The following PRUNE2 variants were observed in gnomAD, a reference collection of about 807,000 sequenced individuals.
The protein encoded by PRUNE2 is prune homolog 2 with BCH domain.
PRUNE2 carries 164 observed loss-of-function variants against 252.0 expected under a neutral mutation model. The ratio of observed to expected loss-of-function variants is 0.65; its 90% CI spans 0.57 to 0.74. PRUNE2 has a LOEUF of 0.74. PRUNE2 is among the 30% of genes least tolerant of loss of function. PRUNE2 has a pLI of 0.00. For missense variants in PRUNE2, 3,495 were observed against 3,711.0 expected (o/e 0.94, Z 1.51); for synonymous variants, 1,292 against 1,350.2 (o/e 0.96, Z 0.94).
chr9:76,711,859 G>A (rs57177067), intron 7 of PRUNE2, among the ~76,000 whole-genome samples: 1,915 of 152,266 alleles, frequency 0.013, 34 homozygotes, highest in African/African-American at 0.044. Flanking sequence ...CCCGCAGTCT[G>A]ATCTTTCCGA....
chr9:76,660,735 T>A (rs1262457696), intron 9 of PRUNE2, among the ~76,000 whole-genome samples: 1 of 146,290 alleles, frequency 6.8e-6, no homozygotes, highest in African/African-American at 2.5e-5. Context: ...AGAGCCGAGA[T>A]TACATCACTG....
intron 1 of PRUNE2, among the ~76,000 whole-genome samples, chr9:76,894,837 T>A (rs1289235204): frequency 1.3e-5 from 2 of 151,664 alleles, no homozygotes; most frequent in Admixed American, 6.6e-5. Flanking sequence ...CTGTCCAACA[T>A]GATGAAACCC....
chr9:76,857,539 T>G (rs549064368), intron 1 of PRUNE2, among the ~76,000 whole-genome samples: 46 of 152,274 alleles, frequency 3.0e-4, no homozygotes, highest in African/African-American at 1.0e-3. Context: ...TGTTCCTAAG[T>G]GCCCAATTCC....
Position 76,672,378 on chromosome 9 carries a change from T to C in PRUNE2, c.8277-16876A>G, listed in dbSNP as rs375605634. Among the ~76,000 whole-genome samples, 4 of 123,282 alleles carry C rather than the reference T, an allele frequency of 3.2e-5. No homozygotes were observed. The South Asian group carries it at 9.3e-4, about 29-fold the overall frequency. The allele number at this position is 123,282 out of a possible 152,430, so 80.9% of individuals were successfully genotyped here. A position where few individuals can be genotyped will look rare whatever the true frequency, so the allele number is the denominator to read the frequency against. On this transcript the variant is annotated intron_variant, in intron 9 of 18. Coordinates refer to ENST00000376718, the MANE Select transcript of PRUNE2 (RefSeq NM_015225.3). ...CTATCCTAAATATATATGCACCCAA[T>C]ACAGGAGCACCAAGATTCATAAAGC... is the stretch of plus-strand genomic sequence containing the variant.
intron 4 of PRUNE2, among the ~76,000 whole-genome samples, chr9:76,828,445 G>A (rs2058471208): frequency 6.6e-6 from 1 of 152,212 alleles, no homozygotes; most frequent in African/African-American, 2.4e-5. Flanking sequence ...TAAGAGGGAT[G>A]AGGAATCTTT....
At chr9:76,721,373 A>G (rs1486645318) in intron 6 of PRUNE2, among the ~76,000 whole-genome samples, 3 of 152,222 alleles carry the variant, frequency 2.0e-5, no homozygotes, top group East Asian at 3.8e-4. Flanking sequence ...CACATAGGTC[A>G]AGCATTCTGG....
At chr9:76,774,011 C>G (rs73460267) in intron 6 of PRUNE2, among the ~76,000 whole-genome samples, 12,299 of 151,998 alleles carry the variant, frequency 0.081, 1,571 homozygotes, top group African/African-American at 0.27. Context: ...GTCTTCAGGG[C>G]TAGGAAAGGA....
At chr9:76,861,597 C>T (rs563342859) in intron 1 of PRUNE2, among the ~76,000 whole-genome samples, 18 of 152,258 alleles carry the variant, frequency 1.2e-4, no homozygotes, top group African/African-American at 4.3e-4. Context: ...GAGCACTGGA[C>T]ATCAACTAAT....
At chr9:76,789,245 C>G (rs531128687) in intron 6 of PRUNE2, among the ~76,000 whole-genome samples, 1 of 152,190 alleles carries the variant, frequency 6.6e-6, no homozygotes, top group Non-Finnish European at 1.5e-5. Flanking sequence ...TGACGATGGG[C>G]TTCATATCCA....
At chr9:76,749,266 T>C (rs747314388) in intron 6 of PRUNE2, among the ~76,000 whole-genome samples, 7 of 152,238 alleles carry the variant, frequency 4.6e-5, no homozygotes, top group Admixed American at 1.3e-4. Context: ...GGCTGAACTC[T>C]GACTGCAGTT....
chr9:76,703,728 G>C lies in PRUNE2; in HGVS notation c.7885C>G (p.Gln2629Glu), dbSNP rs755026925. 57 of 1,613,458 alleles carry C rather than the reference G, an allele frequency of 3.5e-5. No homozygotes were observed. The highest frequency in any genetic ancestry group is 4.7e-5 in the Non-Finnish European group (55 of 1,179,874). The change falls in exon 9 of 19, where the codon CAA (glutamine) becomes GAA (glutamate). Residue 2629 changes from glutamine to glutamate, a missense_variant. Physicochemically the swap from Gln to Glu is conservative, Grantham distance 29. Coordinates refer to ENST00000376718, the MANE Select transcript of PRUNE2 (RefSeq NM_015225.3). ...DTRSSFESPA[Q>E]DQSWMFLGHS... is the part of the protein sequence containing the mutation. ...CCCAAGAACATCCAACTCTGGTCTTGTGCAGGGCTTTCAAAAGATGATCTC... is the reference window on the plus strand; with the variant it reads ...CCCAAGAACATCCAACTCTGGTCTTCTGCAGGGCTTTCAAAAGATGATCTC...
intron 6 of PRUNE2, among the ~76,000 whole-genome samples, chr9:76,751,697 T>C (rs1013609450): frequency 9.9e-5 from 15 of 152,228 alleles, no homozygotes; most frequent in Non-Finnish European, 2.2e-4. Context: ...AAAATACTAC[T>C]AGAAACTCTT....
rs2046687024 is a variant in PRUNE2 at position 76,711,018 on chromosome 9, G to C, written c.1256C>G (p.Ala419Gly). 6.2e-7 allele frequency: 1 copy of C among 1,613,848 alleles called. No individual in the cohort carries two copies. Among genetic ancestry groups the C allele is most frequent in the Non-Finnish European group, 8.5e-7 (1 of 1,179,800 alleles). The change falls in exon 8 of 19, where the codon GCC (alanine) becomes GGC (glycine). Residue 419 changes from alanine (A) to glycine (G), a missense_variant. Coordinates refer to ENST00000376718, the MANE Select transcript of PRUNE2 (RefSeq NM_015225.3). Reference protein sequence around the residue: ...LNDSNQAQVDANVDLVSPDSG... With the variant: ...LNDSNQAQVDGNVDLVSPDSG... Reference sequence around the variant, plus strand: ...GTCTGGGCTAACAAGGTCTACATTGGCATCCACCTGAGCCTGGTTAGAATC... The same window carrying C: ...GTCTGGGCTAACAAGGTCTACATTGCCATCCACCTGAGCCTGGTTAGAATC...
At chr9:76,693,286 A>G (rs1017913173) in intron 9 of PRUNE2, among the ~76,000 whole-genome samples, 1 of 144,810 alleles carries the variant, frequency 6.9e-6, no homozygotes, top group Non-Finnish European at 1.5e-5. Flanking sequence ...TCTTTTTTTG[A>G]TGGGGGGGGC....
At position 76,642,001 on chromosome 9, in the gene PRUNE2, T is replaced by TTAA. The variant is rs1554785931; in HGVS notation, c.8728+2737_8728+2738insTTA. On this transcript the variant is annotated intron_variant, in intron 12 of 18. Coordinates refer to ENST00000376718, the MANE Select transcript of PRUNE2 (RefSeq NM_015225.3). ...ATCTCCTATAATGAAATAAGAGAAG[T>TTAA]AAAAAAAAAAAAAAAAGAAAAGAAA... 9.9e-6 allele frequency: 10 copies of TTAA among 1,011,228 alleles called. No homozygotes were observed. In the East Asian group the frequency reaches 1.4e-4, roughly 14 times the overall value. 62.6% of individuals were successfully genotyped at this position (1,011,228 alleles called of 1,614,324 possible).
chr9:76,826,242 T>C (rs1041729035), intron 5 of PRUNE2, among the ~76,000 whole-genome samples: 88 of 152,076 alleles, frequency 5.8e-4, no homozygotes, highest in African/African-American at 2.0e-3. Flanking sequence ...GGGAGGCCGA[T>C]GCAGGTGGAT....
chr9:76,676,596 T>C (rs1317628802), intron 9 of PRUNE2, among the ~76,000 whole-genome samples: 1 of 152,194 alleles, frequency 6.6e-6, no homozygotes, highest in African/African-American at 2.4e-5. Flanking sequence ...CACTTACTTT[T>C]CTGTGTTTCA....
rs575662043 is a variant in PRUNE2, at chr9:76,731,502, T to C, written c.757-17781A>G. On this transcript the variant is annotated intron_variant, in intron 6 of 18. Transcript: ENST00000376718. ...ATACCCAGCTAATTTTGTTTTTTTA[T>C]TTTTTTGTATAGACAGGGTCTCATT... Among the ~76,000 whole-genome samples the C allele has an allele frequency of 9.9e-5, 15 of 151,996 alleles. No individual in the cohort carries two copies. The South Asian group carries it at 2.9e-3, about 30-fold the overall frequency.
intron 4 of PRUNE2, among the ~76,000 whole-genome samples, chr9:76,843,379 G>C (rs1213306181): frequency 6.6e-6 from 1 of 152,092 alleles, no homozygotes; most frequent in Non-Finnish European, 1.5e-5. Context: ...GTAGGTGATG[G>C]ATTGATGGGT....
Sources: allele counts gnomAD v4.1 joint callset (sites outside exome capture counted in the v4.1 genomes callset), GRCh38; gene constraint gnomAD v4.1.1; transcripts MANE v1.5; gene names NCBI Gene and HGNC (gene_info 2026-07-23, HGNC 2026-07-21).